Variants in GNAS observed in about 807,000 individuals in gnomAD.
GNAS encodes the protein protein ALEX.
Under a neutral mutation model 54.5 loss-of-function variants are expected in GNAS, and 8 were observed. The ratio of observed to expected loss-of-function variants is 0.15; its 90% CI spans 0.09 to 0.26. The LOEUF is 0.26. GNAS is among the 10% of genes least tolerant of loss of function. The pLI, the probability that GNAS is intolerant of heterozygous loss-of-function variation, is 1.00. For synonymous variants in GNAS, 204 were observed against 191.4 expected (o/e 1.07, Z -0.54); for missense variants, 170 against 529.8 (o/e 0.32, Z 6.67).
At chr20:58,877,818 T>G (rs1003478993) in intron 1 of GNAS, among the ~76,000 whole-genome samples, 6 of 152,170 alleles carry the variant, frequency 3.9e-5, no homozygotes, top group African/African-American at 1.4e-4. Flanking sequence ...AGGCACCTAT[T>G]GTGTTGCCAC....
chr20:58,874,659 C>G (rs2087681944), intron 1 of GNAS, among the ~76,000 whole-genome samples: 1 of 152,034 alleles, frequency 6.6e-6, no homozygotes, highest in African/African-American at 2.4e-5. Context: ...TCCTGGCCTG[C>G]CCTCCATCTT....
intron 1 of GNAS, among the ~76,000 whole-genome samples, chr20:58,875,145 A>G (rs1476390358): frequency 6.6e-6 from 1 of 152,192 alleles, no homozygotes; most frequent in Non-Finnish European, 1.5e-5. Context: ...TTTGCTCCAT[A>G]GTGAATATGA....
rs2089420440 is a variant in GNAS at position 58,891,951 on chromosome 20, C to T, written c.139+86C>T. 3 of 844,702 alleles carry T rather than the reference C, an allele frequency of 3.6e-6. No individual in the cohort carries two copies. The African/African-American group carries it at 5.6e-5, about 16-fold the overall frequency. 52.3% of individuals were successfully genotyped at this position (844,702 alleles called of 1,614,324 possible). A position where few individuals can be genotyped will look rare whatever the true frequency, so the allele number is the denominator to read the frequency against. ...CCGCGCGCGCCGAGCCCGCCCCCCG[C>T]CCCGGGCGCGCGCTCCCGAGCCCCC... On this transcript the variant is annotated intron_variant, in intron 1 of 12. Coordinates refer to ENST00000371085, the MANE Select transcript of GNAS (RefSeq NM_000516.7).
chr20:58,895,723 G>C (rs367947995), intron 2 of GNAS, 39 bp downstream of exon 2: 38 of 1,158,606 alleles, frequency 3.3e-5, no homozygotes, highest in Non-Finnish European at 4.8e-5. Flanking sequence ...CCAAGTAAGA[G>C]GAACAGACTT....
intron 3 of GNAS, chr20:58,899,463 G>A: frequency 1.9e-6 from 1 of 538,786 alleles, no homozygotes; most frequent in Non-Finnish European, 3.7e-6. Context: ...AAAACGCCTT[G>A]GTACCTTGCA....
At chr20:58,840,162 A>G, upstream of GNAS, 1 of 1,610,830 alleles carries the variant, frequency 6.2e-7, no homozygotes, top group South Asian at 1.1e-5. The surrounding 1 kb of genome is among the most constrained non-coding windows in gnomAD (Gnocchi z 6.0). Context: ...AATTACAACG[A>G]CCTGTGCCCG....
At chr20:58,866,400 G>A (rs572784126) in intron 1 of GNAS, among the ~76,000 whole-genome samples, 1 of 152,184 alleles carries the variant, frequency 6.6e-6, no homozygotes, top group Non-Finnish European at 1.5e-5. Context: ...GACATTTCCT[G>A]GTCAAGAGTC....
At chr20:58,840,643 G>A (rs181594534), upstream of GNAS, 431 of 1,606,386 alleles carry the variant, frequency 2.7e-4, 4 homozygotes, top group South Asian at 4.4e-3. This position sits in a 1 kb window ranked among gnomAD's most constrained non-coding sequence, Gnocchi z 6.0. Flanking sequence ...GTCGCGCGCC[G>A]CCCAGCACTC....
At chr20:58,903,476 A>C (rs2090816528) in intron 3 of GNAS, 55 bp from the exon 4 acceptor site, 3 of 1,365,184 alleles carry the variant, frequency 2.2e-6, no homozygotes, top group Non-Finnish European at 3.1e-6. Context: ...TGAAAGCAGT[A>C]CTCCTAACTG....
rs150606065 is a variant in GNAS, at chr20:58,885,730, C to T, written c.44-9882C>T. On this transcript the variant is annotated intron_variant, in intron 1 of 12. Coordinates refer to the GNAS transcript ENST00000306090. ...AACTGAGACTAGGAAATGCTTTTTA[C>T]AATTCCTGCTTTCATCATCTGCATG... 3.3e-5 allele frequency among the ~76,000 whole-genome samples: 5 copies of T among 152,320 alleles called. No individual in the cohort carries two copies. In the East Asian group the frequency reaches 9.6e-4, roughly 29 times the overall value.
chr20:58,852,508 GC>G (rs913374373), intron 1 of GNAS, among the ~76,000 whole-genome samples: 1 of 152,202 alleles, frequency 6.6e-6, no homozygotes, highest in African/African-American at 2.4e-5. Flanking sequence ...ATCCGGGGCT[GC>G]CTGGAGGCTG....
rs750139073 is a variant in GNAS, at chr20:58,909,440, CT to C, written c.659+22del. ...CAACTTCCAGTAAGCCAACTGTTAC[CT>C]TTTTATATAACAGAGATCATGGTTT... On this transcript the variant is annotated intron_variant, in intron 8 of 12. Coordinates refer to ENST00000371085, the MANE Select transcript of GNAS (RefSeq NM_000516.7). This position sits in a 1 kb window ranked among gnomAD's most constrained non-coding sequence, Gnocchi z 7.3. 2.5e-6 allele frequency: 4 copies of C among 1,609,936 alleles called. 1 individual carries two copies. The South Asian group carries it at 4.4e-5, about 18-fold the overall frequency.
At chr20:58,899,678 CATGCAT>C (rs750524996) in intron 3 of GNAS, among the ~76,000 whole-genome samples, 8 of 151,664 alleles carry the variant, frequency 5.3e-5, no homozygotes, top group Non-Finnish European at 1.0e-4. Context: ...CACACATGCA[CATGCAT>C]ACACAGACAC....
At chr20:58,883,441 C>T (rs563705227) in intron 1 of GNAS, among the ~76,000 whole-genome samples, 2 of 152,150 alleles carry the variant, frequency 1.3e-5, no homozygotes, top group Admixed American at 6.5e-5. Context: ...GACCCTGGGA[C>T]GTGGCTGTGG....
chr20:58,851,233 A>T (rs1221245729), intron 1 of GNAS, among the ~76,000 whole-genome samples: 1 of 152,200 alleles, frequency 6.6e-6, no homozygotes, highest in Non-Finnish European at 1.5e-5. Context: ...CTGCGTGGCC[A>T]CATGGATGGT....
intron 1 of GNAS, chr20:58,895,354 CAAAA>C: frequency 6.3e-6 from 3 of 479,544 alleles, no homozygotes; most frequent in African/African-American, 3.9e-5. Flanking sequence ...TTTAAACAAT[CAAAA>C]GAAAAATTAA....
At chr20:58,848,074 A>C (rs146061897) in intron 1 of GNAS, among the ~76,000 whole-genome samples, 4 of 152,344 alleles carry the variant, frequency 2.6e-5, no homozygotes, top group African/African-American at 9.6e-5. Flanking sequence ...TCAAAACGCC[A>C]CTGTTTGCCA....
At chr20:58,855,945 A>G in intron 1 of GNAS, 1 of 359,746 alleles carries the variant, frequency 2.8e-6, no homozygotes, top group Non-Finnish European at 5.0e-6. Context: ...CGGGCAAAAA[A>G]CTTTCGCTGT....
intron 1 of GNAS, among the ~76,000 whole-genome samples, chr20:58,879,255 C>G (rs1219728442): frequency 6.6e-6 from 1 of 152,204 alleles, no homozygotes; most frequent in Non-Finnish European, 1.5e-5. Flanking sequence ...CACTTTCTGG[C>G]AGCACAAAGC....
Sources: gnomAD v4.1 joint callset for allele counts (sites outside exome capture counted in the v4.1 genomes callset) on GRCh38, gnomAD v4.1.1 for gene constraint, Gnocchi (gnomAD v3.1) non-coding constraint, MANE v1.5 for transcripts, NCBI Gene and HGNC (gene_info 2026-07-23, HGNC 2026-07-21) for gene names.